Variants in OPRM1 observed in about 807,000 individuals in gnomAD.
The protein encoded by OPRM1 is opioid receptor mu 1, also known as mu-type opioid receptor.
OPRM1 carries 27 observed loss-of-function variants against 31.8 expected under a neutral mutation model. The ratio of observed to expected loss-of-function variants is 0.85; its 90% CI spans 0.63 to 1.17. The LOEUF (loss-of-function observed/expected upper bound fraction) is 1.17. Ranked by LOEUF, OPRM1 falls within the 50% of genes most tolerant of loss-of-function variation. The pLI is 0.00. For missense variants in OPRM1, 536 were observed against 511.1 expected (o/e 1.05, Z -0.47); for synonymous variants, 196 against 189.9 (o/e 1.03, Z -0.26).
At chr6:154,094,898 T>C (rs1214026466) in intron 3 of OPRM1, among the ~76,000 whole-genome samples, 1 of 152,176 alleles carries the variant, frequency 6.6e-6, no homozygotes, top group South Asian at 2.1e-4. Context: ...TAACAATCCG[T>C]AGTAAGGACA....
intron 3 of OPRM1, among the ~76,000 whole-genome samples, chr6:154,220,300 G>C (rs1583832496): frequency 6.6e-6 from 1 of 152,212 alleles, no homozygotes; most frequent in Non-Finnish European, 1.5e-5. Context: ...CTGAGAATAG[G>C]GCTAAATCAA....
intron 1 of OPRM1, among the ~76,000 whole-genome samples, chr6:154,050,757 A>T (rs1782040022): frequency 6.6e-6 from 1 of 152,200 alleles, no homozygotes; most frequent in Admixed American, 6.5e-5. Context: ...AATAACATAA[A>T]GAATGTAATT....
At chr6:154,214,237 T>C in intron 3 of OPRM1, 1 of 1,609,892 alleles carries the variant, frequency 6.2e-7, no homozygotes, top group Non-Finnish European at 8.5e-7. Flanking sequence ...TTGTAGTGGA[T>C]TCCTGATGGA....
At position 154,039,252 on chromosome 6, in the gene OPRM1, C is replaced by T; in HGVS notation, c.-293C>T. ...CCCCTTTTCCCTCCTCCCTCCCTTC[C>T]AGCCTCCGAATCCCGCATGGCCCAC... On this transcript the variant is annotated 5_prime_UTR_variant, in exon 1 of 4. Transcript: ENST00000330432. The T allele has an allele frequency of 1.3e-6, 2 of 1,551,728 alleles. No individual in the cohort carries two copies. Among genetic ancestry groups the T allele is most frequent in the Non-Finnish European group, 1.7e-6 (2 of 1,146,986 alleles).
intron 3 of OPRM1, among the ~76,000 whole-genome samples, chr6:154,149,734 T>G (rs976751748): frequency 6.6e-6 from 1 of 152,116 alleles, no homozygotes; most frequent in Admixed American, 6.5e-5. Context: ...TCTTCCAAGA[T>G]CCATATGGTT....
chr6:154,031,390 A>G (rs900830875), intron 1 of OPRM1, among the ~76,000 whole-genome samples: 7 of 152,186 alleles, frequency 4.6e-5, no homozygotes, highest in Admixed American at 6.5e-5. Context: ...GCTATATTCT[A>G]TAACTGCCAG....
chr6:154,139,374 G>T (rs1798141158), intron 3 of OPRM1, among the ~76,000 whole-genome samples: 2 of 152,098 alleles, frequency 1.3e-5, no homozygotes, highest in South Asian at 2.1e-4. Flanking sequence ...CTCTTTTGGG[G>T]GTCTTAAAAA....
intron 3 of OPRM1, among the ~76,000 whole-genome samples, chr6:154,099,885 CATATT>C (rs1215575802): frequency 7.0e-6 from 1 of 142,390 alleles, no homozygotes; most frequent in Admixed American, 7.1e-5. Flanking sequence ...TATATCATAA[CATATT>C]ATATATTATA....
rs545227512 is a variant in OPRM1 at position 154,241,786 on chromosome 6, G to A, written c.1165-4907G>A. Among the ~76,000 whole-genome samples the A allele has an allele frequency of 1.7e-4, 26 of 152,066 alleles. No homozygotes were observed. The East Asian group carries it at 3.9e-3, about 23-fold the overall frequency. Reference sequence around the variant, plus strand: ...CATATTTTTCGCATGCCAATTTCACGAGCTCACCTTCCGGCTCAAGAATAG... The same window carrying A: ...CATATTTTTCGCATGCCAATTTCACAAGCTCACCTTCCGGCTCAAGAATAG... On this transcript the variant is annotated intron_variant, in intron 3 of 3. Coordinates refer to the OPRM1 transcript ENST00000337049.
At chr6:154,021,356 T>A (rs1358146308) in intron 1 of OPRM1, among the ~76,000 whole-genome samples, 1 of 152,230 alleles carries the variant, frequency 6.6e-6, no homozygotes, top group Non-Finnish European at 1.5e-5. Context: ...CTGTCTTTAT[T>A]ACTGTAGCTT....
chr6:154,191,477 C>A (rs934334200), intron 3 of OPRM1, among the ~76,000 whole-genome samples: 1 of 151,976 alleles, frequency 6.6e-6, no homozygotes, highest in African/African-American at 2.4e-5. Flanking sequence ...GGTTTGAGAC[C>A]AACCTGGACA....
chr6:154,152,376 G>GA, intron 3 of OPRM1, among the ~76,000 whole-genome samples: 1 of 149,962 alleles, frequency 6.7e-6, no homozygotes, highest in Admixed American at 6.6e-5. Context: ...AAGAAAGAAA[G>GA]AAAGAAAGAA....
intron 1 of OPRM1, among the ~76,000 whole-genome samples, chr6:154,048,539 G>A (rs1328491233): frequency 1.3e-5 from 2 of 152,144 alleles, no homozygotes; most frequent in East Asian, 1.9e-4. Flanking sequence ...ATCTCTTTGT[G>A]TTTAGGTGAG....
intron 1 of OPRM1, among the ~76,000 whole-genome samples, chr6:154,049,377 G>A (rs1781774125): frequency 6.6e-6 from 1 of 152,178 alleles, no homozygotes; most frequent in South Asian, 2.1e-4. Context: ...GCTGAAAGAA[G>A]ACAGCAGAGC....
chr6:154,121,799 G>C lies in OPRM1; in HGVS notation c.*3078G>C, dbSNP rs1270147839. 6.6e-6 allele frequency among the ~76,000 whole-genome samples: 1 copy of C among 152,102 alleles called. No homozygotes were observed. Among genetic ancestry groups the C allele is most frequent in the East Asian group, 1.9e-4 (1 of 5,192 alleles). ...AGATTCCGACCACATTTATCAAAAAGTCCCCAAAGCATTCAAAATCTTTAC... is the reference window on the plus strand; with the variant it reads ...AGATTCCGACCACATTTATCAAAAACTCCCCAAAGCATTCAAAATCTTTAC... On this transcript the variant is annotated 3_prime_UTR_variant, in exon 4 of 4. Coordinates refer to ENST00000330432, the MANE Select transcript of OPRM1 (RefSeq NM_000914.5).
At chr6:154,117,840 C>T (rs548393558) in intron 3 of OPRM1, among the ~76,000 whole-genome samples, 84 of 113,866 alleles carry the variant, frequency 7.4e-4, no homozygotes, top group African/African-American at 2.4e-3. Context: ...GGTAAAGCAT[C>T]AAATGGCTTA....
rs1797666572 is a variant in OPRM1 at position 154,127,601 on chromosome 6, G to A, written c.*8880G>A. Among the ~76,000 whole-genome samples, 2 of 152,140 alleles carry A rather than the reference G, an allele frequency of 1.3e-5. No homozygotes were observed. Among genetic ancestry groups the A allele is most frequent in the Non-Finnish European group, 2.9e-5 (2 of 68,014 alleles). On this transcript the variant is annotated 3_prime_UTR_variant, in exon 4 of 4. Transcript: ENST00000330432. ...TGTGCTCATGACTTGACATTGTGGT[G>A]GGCCGGCTACAACCCTCCCCACCCC...
intron 3 of OPRM1, chr6:154,159,432 G>A: frequency 4.6e-6 from 1 of 215,682 alleles, no homozygotes; most frequent in Non-Finnish European, 9.1e-6. Context: ...AGTGGAATAT[G>A]TACATTCTTC....
At chr6:154,209,814 T>C (rs564629374) in intron 3 of OPRM1, among the ~76,000 whole-genome samples, 21 of 152,226 alleles carry the variant, frequency 1.4e-4, no homozygotes, top group Non-Finnish European at 2.8e-4. Flanking sequence ...ACATTCTGTT[T>C]CTAAGGGGGA....
Sources: allele counts gnomAD v4.1 joint callset (sites outside exome capture counted in the v4.1 genomes callset), GRCh38; gene constraint gnomAD v4.1.1; transcripts MANE v1.5; gene names NCBI Gene and HGNC (gene_info 2026-07-23, HGNC 2026-07-21).